PTPRM: variants seen among roughly 807,000 people sequenced by gnomAD.
PTPRM encodes the protein receptor-type tyrosine-protein phosphatase mu.
A neutral mutation model predicts 186.7 loss-of-function variants in PTPRM; 47 were observed. The observed-to-expected ratio is 0.25, with a 90% CI of 0.20 to 0.32. The LOEUF (loss-of-function observed/expected upper bound fraction) is 0.32. PTPRM is among the 10% of genes least tolerant of loss of function. The pLI is 1.00. For synonymous variants in PTPRM, 668 were observed against 674.9 expected, an observed-to-expected ratio of 0.99 and a Z score of 0.16; for missense variants, 1,494 against 1,865.0, an observed-to-expected ratio of 0.80 and a Z score of 3.66.
chr18:7,712,094 C>T (rs984083936), intron 1 of PTPRM, among the ~76,000 whole-genome samples: 2 of 152,192 alleles, frequency 1.3e-5, no homozygotes, highest in African/African-American at 2.4e-5. Context: ...GGCCAACAGA[C>T]ACCTCATACA....
At chr18:8,016,860 T>C (rs2084902011) in intron 7 of PTPRM, among the ~76,000 whole-genome samples, 1 of 152,222 alleles carries the variant, frequency 6.6e-6, no homozygotes, top group Admixed American at 6.5e-5. Context: ...AGAGCTGAAG[T>C]GAAGGCTTGA....
At chr18:8,017,264 C>A (rs189248150) in intron 7 of PTPRM, among the ~76,000 whole-genome samples, 1 of 151,970 alleles carries the variant, frequency 6.6e-6, no homozygotes, top group Non-Finnish European at 1.5e-5. Flanking sequence ...TTAGGCCAGG[C>A]GTGGTGGCTC....
intron 7 of PTPRM, among the ~76,000 whole-genome samples, chr18:8,066,546 A>C (rs915676570): frequency 6.6e-6 from 1 of 152,092 alleles, no homozygotes; most frequent in Non-Finnish European, 1.5e-5. Context: ...TCCTACCCCC[A>C]TTGATATTGA....
At position 7,567,688 on chromosome 18, in the gene PTPRM, G is replaced by A. The variant is rs2036458378; in HGVS notation, c.-131G>A. On this transcript the variant is annotated 5_prime_UTR_variant, in exon 1 of 33. Coordinates refer to ENST00000580170, the MANE Select transcript of PTPRM (RefSeq NM_001105244.2). This position sits in a 1 kb window ranked among gnomAD's most constrained non-coding sequence, Gnocchi z 4.3. ...GGACTTCTGCAACTGTTGGCACTTT[G>A]GGGGCTTGGCTTAGCGCTCTGCTGT... 1 of 789,816 alleles carries A rather than the reference G, an allele frequency of 1.3e-6. No individual in the cohort carries two copies. The highest frequency in any genetic ancestry group is 1.9e-5 in the African/African-American group (1 of 53,450). 48.9% of individuals were successfully genotyped at this position (789,816 alleles called of 1,614,324 possible).
chr18:7,964,436 A>C (rs578235574), intron 7 of PTPRM, among the ~76,000 whole-genome samples: 4 of 152,238 alleles, frequency 2.6e-5, no homozygotes, highest in Non-Finnish European at 5.9e-5. Context: ...CCTTCTGGTC[A>C]GTGTTTTTTT....
intron 9 of PTPRM, among the ~76,000 whole-genome samples, chr18:8,082,298 C>G (rs1474020039): frequency 6.6e-6 from 1 of 152,100 alleles, no homozygotes; most frequent in Non-Finnish European, 1.5e-5. Flanking sequence ...TCACAGTACT[C>G]CAAGATTCAT....
At position 7,899,091 on chromosome 18, in the gene PTPRM, C is replaced by G. The variant is rs75304052; in HGVS notation, c.469-7414C>G. On this transcript the variant is annotated intron_variant, in intron 3 of 32. Coordinates refer to ENST00000580170, the MANE Select transcript of PTPRM (RefSeq NM_001105244.2). Reference sequence around the variant, plus strand: ...TAACATGTGTATTTTTTCCTTAAGGCTCATCTTAGCGTCCTTGCACTCTCA... The same window carrying G: ...TAACATGTGTATTTTTTCCTTAAGGGTCATCTTAGCGTCCTTGCACTCTCA... Among the ~76,000 whole-genome samples the G allele has an allele frequency of 7.5e-3, 1,138 of 152,308 alleles. 4 individuals are homozygous for G. The highest frequency in any genetic ancestry group is 0.013 in the Non-Finnish European group (908 of 68,034).
At chr18:8,380,990 A>C (rs1000857564) in intron 29 of PTPRM, among the ~76,000 whole-genome samples, 2 of 152,194 alleles carry the variant, frequency 1.3e-5, no homozygotes, top group African/African-American at 4.8e-5. Flanking sequence ...CACAGCAATT[A>C]GTTTTCTCAA....
intron 2 of PTPRM, among the ~76,000 whole-genome samples, chr18:7,884,780 C>T (rs1237614809): frequency 6.7e-6 from 1 of 150,196 alleles, no homozygotes. Flanking sequence ...AAAAATTAGC[C>T]AGGGATGGTG....
intron 3 of PTPRM, among the ~76,000 whole-genome samples, chr18:7,891,501 G>A (rs1384316276): frequency 2.0e-5 from 3 of 152,090 alleles, no homozygotes; most frequent in African/African-American, 7.2e-5. Context: ...TAAATGTACT[G>A]GTGACCAATC....
chr18:7,989,963 G>T (rs1437657799), intron 7 of PTPRM, among the ~76,000 whole-genome samples: 2 of 152,108 alleles, frequency 1.3e-5, no homozygotes, highest in East Asian at 3.8e-4. Context: ...GAGTGCAATG[G>T]CACGATTTCG....
At chr18:7,992,515 A>G (rs2083315993) in intron 7 of PTPRM, among the ~76,000 whole-genome samples, 1 of 152,118 alleles carries the variant, frequency 6.6e-6, no homozygotes. Context: ...TCATCAGTAA[A>G]CACACACAGG....
chr18:8,371,249 A>G (rs111723202), intron 24 of PTPRM, among the ~76,000 whole-genome samples: 3,174 of 152,194 alleles, frequency 0.021, 39 homozygotes, highest in Middle Eastern at 0.041. Flanking sequence ...GTTAATGTCT[A>G]TTTGTTTATT....
intron 1 of PTPRM, among the ~76,000 whole-genome samples, chr18:7,629,142 C>T (rs117329755): frequency 1.3e-5 from 2 of 152,190 alleles, no homozygotes; most frequent in African/African-American, 4.8e-5. Flanking sequence ...GGGTGCCAAT[C>T]ATGTCATATG....
At chr18:7,927,476 GT>G (rs745963462) in intron 5 of PTPRM, among the ~76,000 whole-genome samples, 1,896 of 123,350 alleles carry the variant, frequency 0.015, 30 homozygotes, top group African/African-American at 0.066. Context: ...GTGGGTGTGG[GT>G]TTTTTTTTTT....
chr18:7,861,436 T>G (rs1418534551), intron 2 of PTPRM, among the ~76,000 whole-genome samples: 1 of 152,242 alleles, frequency 6.6e-6, no homozygotes, highest in African/African-American at 2.4e-5. Flanking sequence ...GCAATCTGGC[T>G]TATTGCAGCA....
chr18:7,623,525 C>T (rs1468456354), intron 1 of PTPRM, among the ~76,000 whole-genome samples: 1 of 152,068 alleles, frequency 6.6e-6, no homozygotes, highest in Non-Finnish European at 1.5e-5. Context: ...ATGATTTTTC[C>T]ATGCTTTGAA....
At chr18:7,733,751 C>A (rs1265927091) in intron 1 of PTPRM, among the ~76,000 whole-genome samples, 1 of 152,120 alleles carries the variant, frequency 6.6e-6, no homozygotes, top group Non-Finnish European at 1.5e-5. Flanking sequence ...CCAGAGCCAC[C>A]ATGCAGGAGT....
intron 2 of PTPRM, among the ~76,000 whole-genome samples, chr18:7,781,698 G>A (rs2042862210): frequency 6.6e-6 from 1 of 152,116 alleles, no homozygotes; most frequent in Non-Finnish European, 1.5e-5. Flanking sequence ...AGGATTTGAG[G>A]TTATGGCCCC....
Sources: gnomAD v4.1 joint callset for allele counts (sites outside exome capture counted in the v4.1 genomes callset) on GRCh38, gnomAD v4.1.1 for gene constraint, Gnocchi (gnomAD v3.1) non-coding constraint, MANE v1.5 for transcripts, NCBI Gene and HGNC (gene_info 2026-07-23, HGNC 2026-07-21) for gene names.